The following PPP2R3A variants were observed in gnomAD, a reference collection of about 807,000 sequenced individuals.
PPP2R3A encodes protein phosphatase 2 regulatory subunit B''alpha, also known as serine/threonine-protein phosphatase 2A regulatory subunit B'' subunit alpha.
A neutral mutation model predicts 106.9 loss-of-function variants in PPP2R3A; 80 were observed. That is an observed-to-expected ratio of 0.75 (90% CI 0.62 to 0.90). The LOEUF (loss-of-function observed/expected upper bound fraction) is 0.90. Ranked by LOEUF, PPP2R3A falls within the 40% of genes least tolerant of loss-of-function variation. PPP2R3A has a pLI of 0.00. For missense variants in PPP2R3A, 1,386 were observed against 1,350.4 expected, an observed-to-expected ratio of 1.03 and a Z score of -0.41; for synonymous variants, 483 against 468.3, an observed-to-expected ratio of 1.03 and a Z score of -0.41.
At chr3:136,099,658 G>A (rs946389601) in intron 10 of PPP2R3A, among the ~76,000 whole-genome samples, 3 of 151,778 alleles carry the variant, frequency 2.0e-5, no homozygotes, top group African/African-American at 4.8e-5. Context: ...GACAAGATAC[G>A]AAAATTGGAG....
chr3:136,072,797 G>C (rs1413401460), intron 6 of PPP2R3A, among the ~76,000 whole-genome samples: 1 of 152,148 alleles, frequency 6.6e-6, no homozygotes, highest in Non-Finnish European at 1.5e-5. Flanking sequence ...AGATATTAAA[G>C]AACAAAAGAG....
chr3:136,017,410 C>T (rs183748242), intron 2 of PPP2R3A, among the ~76,000 whole-genome samples: 2 of 152,196 alleles, frequency 1.3e-5, no homozygotes, highest in African/African-American at 4.8e-5. Flanking sequence ...AACTACTCAG[C>T]CTGTTAGAAC....
chr3:135,991,497 T>C (rs969164521), intron 1 of PPP2R3A, among the ~76,000 whole-genome samples: 4 of 145,574 alleles, frequency 2.7e-5, no homozygotes, highest in Admixed American at 2.7e-4. Flanking sequence ...CCCCAAATAT[T>C]CCTTTTGGAG....
intron 10 of PPP2R3A, among the ~76,000 whole-genome samples, chr3:136,090,888 G>A (rs116090319): frequency 0.02 from 3,009 of 152,300 alleles, 45 homozygotes; most frequent in Non-Finnish European, 0.029. Flanking sequence ...AGAAACAAAG[G>A]TGAAGTGACA....
Position 136,026,850 on chromosome 3 carries a change from A to G in PPP2R3A, c.2014A>G (p.Lys672Glu). The G allele has an allele frequency of 6.2e-7, 1 of 1,606,210 alleles. No individual in the cohort carries two copies. Among genetic ancestry groups the G allele is most frequent in the Non-Finnish European group, 8.5e-7 (1 of 1,176,982 alleles). ...CTTTTAGATTCAAAATAAACCAGAA[A>G]AGAAACCTGGAACACCACTCCCACC... is the stretch of plus-strand genomic sequence containing the variant. The part of the protein sequence containing the change: ...EVIKIQNKPE[K>E]KPGTPLPPPA... Residue 672 changes from lysine (K) to glutamate (E), a missense_variant, in exon 3 of 14, where the codon AAG becomes GAG. By Grantham distance (56) the Lys-to-Glu change is moderately conservative (BLOSUM62 1). Coordinates refer to ENST00000264977, the MANE Select transcript of PPP2R3A (RefSeq NM_002718.5).
At chr3:136,004,572 G>A (rs975680035) in intron 2 of PPP2R3A, among the ~76,000 whole-genome samples, 7 of 152,184 alleles carry the variant, frequency 4.6e-5, no homozygotes, top group African/African-American at 1.7e-4. Flanking sequence ...CCTACCACAT[G>A]AATGAGCTAT....
At chr3:136,012,737 C>CCTTTT (rs1161320868) in intron 2 of PPP2R3A, among the ~76,000 whole-genome samples, 9 of 152,134 alleles carry the variant, frequency 5.9e-5, no homozygotes, top group Admixed American at 2.0e-4. Context: ...GGCCTATTTA[C>CCTTTT]AGGGATATTT....
intron 1 of PPP2R3A, among the ~76,000 whole-genome samples, chr3:135,986,438 A>G (rs1932919678): frequency 6.6e-6 from 1 of 152,108 alleles, no homozygotes; most frequent in Non-Finnish European, 1.5e-5. Context: ...TATGCCTGTA[A>G]AACCATGCTG....
At chr3:135,974,214 A>G (rs932239643) in intron 1 of PPP2R3A, among the ~76,000 whole-genome samples, 2 of 152,178 alleles carry the variant, frequency 1.3e-5, no homozygotes, top group Non-Finnish European at 1.5e-5. Context: ...AAGTTGGAGC[A>G]TTACATGGCT....
intron 2 of PPP2R3A, among the ~76,000 whole-genome samples, chr3:136,015,255 A>G (rs956874331): frequency 4.6e-5 from 7 of 152,046 alleles, no homozygotes; most frequent in East Asian, 1.9e-4. Flanking sequence ...TTTTGCATCT[A>G]TGTTCACCAG....
intron 1 of PPP2R3A, among the ~76,000 whole-genome samples, chr3:135,980,005 G>A (rs565624996): frequency 2.0e-5 from 3 of 151,830 alleles, no homozygotes; most frequent in African/African-American, 7.3e-5. Context: ...AAGTACAGCC[G>A]CCATCATGGA....
At chr3:136,067,422 A>G (rs1936292494) in intron 5 of PPP2R3A, among the ~76,000 whole-genome samples, 3 of 152,224 alleles carry the variant, frequency 2.0e-5, no homozygotes, top group African/African-American at 7.2e-5. Flanking sequence ...CTTAGGATTG[A>G]GAGAGCGTAC....
intron 6 of PPP2R3A, among the ~76,000 whole-genome samples, chr3:136,076,972 CAT>C (rs1228862534): frequency 5.3e-5 from 8 of 150,152 alleles, no homozygotes; most frequent in Admixed American, 4.0e-4. Flanking sequence ...AAAAAAGCAC[CAT>C]ATAAGTTACT....
Position 136,023,112 on chromosome 3 carries a change from A to C in PPP2R3A, c.1996-3720A>C, listed in dbSNP as rs144769925. ...ATCTCTACGAAGGGACCCGGATTTA[A>C]GGGGAGAGCTAGCTTTCCTGGCAAG... On this transcript the variant is annotated intron_variant, in intron 2 of 13. Transcript: ENST00000264977. 1.8e-3 allele frequency: 2,835 copies of C among 1,613,522 alleles called. 51 individuals carry two copies. The highest frequency in any genetic ancestry group is 3.3e-4 in the Non-Finnish European group (392 of 1,179,556).
intron 2 of PPP2R3A, among the ~76,000 whole-genome samples, chr3:136,023,410 A>G (rs1355111952): frequency 6.6e-6 from 1 of 152,092 alleles, no homozygotes; most frequent in African/African-American, 2.4e-5. Flanking sequence ...TTAAAAATAG[A>G]CCTTCTGGAC....
chr3:136,083,312 G>A (rs547188406), intron 8 of PPP2R3A, among the ~76,000 whole-genome samples: 283 of 152,286 alleles, frequency 1.9e-3, no homozygotes, highest in African/African-American at 6.5e-3. Flanking sequence ...TTGAATCATG[G>A]GAGTGGGTCT....
At chr3:136,122,965 T>TG (rs1938052098) in intron 13 of PPP2R3A, among the ~76,000 whole-genome samples, 1 of 152,200 alleles carries the variant, frequency 6.6e-6, no homozygotes, top group African/African-American at 2.4e-5. Flanking sequence ...TTTTGTAGTT[T>TG]GGGGGAAAAA....
intron 3 of PPP2R3A, among the ~76,000 whole-genome samples, chr3:136,029,198 G>A (rs1289675204): frequency 6.6e-6 from 1 of 152,202 alleles, no homozygotes; most frequent in African/African-American, 2.4e-5. Context: ...GATTGCCTCA[G>A]GTAAGCAGAC....
chr3:136,059,218 A>G (rs1312078415), intron 5 of PPP2R3A, among the ~76,000 whole-genome samples: 1 of 152,198 alleles, frequency 6.6e-6, no homozygotes, highest in Non-Finnish European at 1.5e-5. Context: ...GAATGGGAGA[A>G]AATTTTTACA....
Sources: allele counts gnomAD v4.1 joint callset (sites outside exome capture counted in the v4.1 genomes callset), GRCh38; gene constraint gnomAD v4.1.1; transcripts MANE v1.5; gene names NCBI Gene and HGNC (gene_info 2026-07-23, HGNC 2026-07-21).